Variants in AGBL4 observed in about 807,000 individuals in gnomAD.
AGBL4 encodes the protein AGBL carboxypeptidase 4, also known as cytosolic carboxypeptidase 6.
A neutral mutation model predicts 66.4 loss-of-function variants in AGBL4; 58 were observed. That is an observed-to-expected ratio of 0.87 (90% CI 0.71 to 1.09). AGBL4 has a LOEUF of 1.09. Among genes scored for constraint, AGBL4 ranks in the 50% least tolerant of loss-of-function variants. The pLI, the probability that AGBL4 is intolerant of heterozygous loss-of-function variation, is 0.00. For synonymous variants in AGBL4, 234 were observed against 222.9 expected (o/e 1.05, Z -0.44); for missense variants, 579 against 631.0 (o/e 0.92, Z 0.88).
intron 3 of AGBL4, among the ~76,000 whole-genome samples, chr1:49,617,430 C>A (rs1645270693): frequency 6.6e-6 from 1 of 152,162 alleles, no homozygotes; most frequent in Non-Finnish European, 1.5e-5. Context: ...GCACTTTTTA[C>A]CATCTTACAT....
At chr1:49,589,260 C>T (rs1373507569) in intron 3 of AGBL4, among the ~76,000 whole-genome samples, 1 of 152,064 alleles carries the variant, frequency 6.6e-6, no homozygotes, top group African/African-American at 2.4e-5. Flanking sequence ...AATCCCTAAG[C>T]ATCCAGGTAT....
intron 3 of AGBL4, among the ~76,000 whole-genome samples, chr1:49,506,425 G>C (rs1044091603): frequency 1.3e-5 from 2 of 152,056 alleles, no homozygotes; most frequent in African/African-American, 4.8e-5. Flanking sequence ...TGTTGTGGGA[G>C]GGACCCAGTG....
chr1:49,967,372 A>T (rs1657652049), intron 1 of AGBL4, among the ~76,000 whole-genome samples: 1 of 152,216 alleles, frequency 6.6e-6, no homozygotes, highest in South Asian at 2.1e-4. Flanking sequence ...AGGGACATGG[A>T]TGAAGCTGGA....
intron 6 of AGBL4, among the ~76,000 whole-genome samples, chr1:48,744,919 T>G (rs183478047): frequency 1.5e-4 from 23 of 152,358 alleles, no homozygotes; most frequent in Admixed American, 7.2e-4. Flanking sequence ...CTCATCTGTC[T>G]GCCAAGCACC....
chr1:48,542,738 G>A lies in AGBL4; in HGVS notation c.1268-3000C>T, dbSNP rs185174785. ...AGTTCCTTGTAGATTCTGGATATTA[G>A]CCCTTTGTCAGATGGAGAGATTGCA... On this transcript the variant is annotated intron_variant, in intron 11 of 13. Coordinates refer to ENST00000371839, the MANE Select transcript of AGBL4 (RefSeq NM_032785.4). Among the ~76,000 whole-genome samples, 485 of 151,894 alleles carry A rather than the reference G, an allele frequency of 3.2e-3. 2 individuals are homozygous for A. The highest frequency in any genetic ancestry group is 0.011 in the African/African-American group (448 of 41,448).
At chr1:48,597,535 A>G (rs746429818) in intron 9 of AGBL4, among the ~76,000 whole-genome samples, 1 of 152,050 alleles carries the variant, frequency 6.6e-6, no homozygotes, top group Non-Finnish European at 1.5e-5. Context: ...TCAAAAGATG[A>G]TAAGAACCAG....
intron 3 of AGBL4, among the ~76,000 whole-genome samples, chr1:49,683,309 A>G (rs1428433336): frequency 2.6e-5 from 4 of 152,134 alleles, no homozygotes; most frequent in African/African-American, 7.2e-5. Flanking sequence ...ATAAAGGTTA[A>G]ACTCACTTGT....
At chr1:48,561,782 C>T (rs1166638429) in intron 11 of AGBL4, among the ~76,000 whole-genome samples, 3 of 152,130 alleles carry the variant, frequency 2.0e-5, no homozygotes, top group East Asian at 3.9e-4. Context: ...AGTCTGTTGA[C>T]TTTCAGATTG....
intron 11 of AGBL4, among the ~76,000 whole-genome samples, chr1:48,570,960 A>C (rs1458824633): frequency 2.0e-5 from 3 of 152,198 alleles, no homozygotes; most frequent in Non-Finnish European, 4.4e-5. Context: ...CCAGGCAATC[A>C]GATGGCCTCC....
intron 5 of AGBL4, among the ~76,000 whole-genome samples, chr1:48,928,726 G>A (rs113973354): frequency 2.0e-5 from 3 of 149,762 alleles, no homozygotes; most frequent in African/African-American, 7.6e-5. Flanking sequence ...ATAATAATAG[G>A]CATAATTATA....
chr1:48,884,301 T>TTTTTG (rs59795430), intron 5 of AGBL4, among the ~76,000 whole-genome samples: 75,769 of 151,182 alleles, frequency 0.5, 21,963 homozygotes, highest in Non-Finnish European at 0.67. Context: ...TTTGTTTGTT[T>TTTTTG]TTTTGTTTTG....
At chr1:49,766,731 G>A (rs1652758379) in intron 2 of AGBL4, among the ~76,000 whole-genome samples, 2 of 151,822 alleles carry the variant, frequency 1.3e-5, no homozygotes, top group Non-Finnish European at 2.9e-5. Context: ...GTAAATGACT[G>A]GAGAAAGCTA....
intron 2 of AGBL4, among the ~76,000 whole-genome samples, chr1:49,832,145 C>G (rs565016914): frequency 3.3e-5 from 5 of 151,922 alleles, no homozygotes; most frequent in African/African-American, 7.3e-5. Flanking sequence ...ATCCCTCCCC[C>G]CTTCCCCCAC....
chr1:48,741,032 C>A (rs1229934351), intron 6 of AGBL4, among the ~76,000 whole-genome samples: 1 of 152,178 alleles, frequency 6.6e-6, no homozygotes, highest in Non-Finnish European at 1.5e-5. Context: ...TTGAGAGACT[C>A]ATTTTCTGGG....
At chr1:49,957,203 C>G (rs1324611240) in intron 1 of AGBL4, among the ~76,000 whole-genome samples, 1 of 151,866 alleles carries the variant, frequency 6.6e-6, no homozygotes, top group Non-Finnish European at 1.5e-5. Context: ...AGAATGGGCA[C>G]AGTGGAAATA....
intron 1 of AGBL4, among the ~76,000 whole-genome samples, chr1:50,003,808 G>A (rs1572042806): frequency 1.3e-5 from 2 of 152,106 alleles, no homozygotes; most frequent in South Asian, 2.1e-4. Context: ...ACACTACAGC[G>A]AAAAGTTTAA....
chr1:49,374,002 C>G (rs984357627), intron 3 of AGBL4, among the ~76,000 whole-genome samples: 37 of 151,984 alleles, frequency 2.4e-4, no homozygotes, highest in African/African-American at 8.0e-4. Context: ...TATTATGTTT[C>G]TCAATCAAAA....
At chr1:49,346,983 C>T (rs1362573144) in intron 3 of AGBL4, among the ~76,000 whole-genome samples, 4 of 152,200 alleles carry the variant, frequency 2.6e-5, no homozygotes, top group Admixed American at 2.6e-4. Flanking sequence ...ATTTAAGAGA[C>T]CCAGGAAATA....
At chr1:49,624,012 T>A (rs2124318409) in intron 3 of AGBL4, among the ~76,000 whole-genome samples, 1 of 151,924 alleles carries the variant, frequency 6.6e-6, no homozygotes, top group African/African-American at 2.4e-5. Context: ...AGTGTGTGTG[T>A]GTGTGTGTGT....
Sources: gnomAD v4.1 joint callset for allele counts (sites outside exome capture counted in the v4.1 genomes callset) on GRCh38, gnomAD v4.1.1 for gene constraint, MANE v1.5 for transcripts, NCBI Gene and HGNC (gene_info 2026-07-23, HGNC 2026-07-21) for gene names.